The following SLC17A4 variants were observed in gnomAD, a reference collection of about 807,000 sequenced individuals.
The protein encoded by SLC17A4 is probable small intestine urate exporter.
A neutral mutation model predicts 52.5 loss-of-function variants in SLC17A4; 33 were observed. That is an observed-to-expected ratio of 0.63 (90% CI 0.48 to 0.84). The LOEUF is 0.84. SLC17A4 is among the 40% of genes least tolerant of loss of function. The pLI is 0.00. For missense variants in SLC17A4, 585 were observed against 597.1 expected, an observed-to-expected ratio of 0.98 and a Z score of 0.21; for synonymous variants, 225 against 216.2, an observed-to-expected ratio of 1.04 and a Z score of -0.36.
At chr6:25,773,788 C>A (rs1256973228) in intron 8 of SLC17A4, 114 bp downstream of exon 8, 12 of 1,036,138 alleles carry the variant, frequency 1.2e-5, no homozygotes, top group Admixed American at 2.5e-5. Context: ...TAGGACCAGG[C>A]AGGACCTCCA....
intron 2 of SLC17A4, among the ~76,000 whole-genome samples, chr6:25,763,148 G>T (rs547500812): frequency 1.3e-5 from 2 of 152,104 alleles, no homozygotes; most frequent in Non-Finnish European, 2.9e-5. Context: ...GAACTTCTAT[G>T]GTCTTTCTGG....
intron 1 of SLC17A4, among the ~76,000 whole-genome samples, chr6:25,759,957 G>A (rs1312256083): frequency 1.3e-5 from 2 of 151,992 alleles, no homozygotes; most frequent in African/African-American, 4.8e-5. Flanking sequence ...TACAAATATT[G>A]CTTTAAGGAA....
At chr6:25,777,069 A>G in intron 10 of SLC17A4, 110 bp downstream of exon 10, 1 of 1,195,964 alleles carries the variant, frequency 8.4e-7, no homozygotes, top group Non-Finnish European at 1.2e-6. Flanking sequence ...GTTGCAGGAA[A>G]TGTCAGCACC....
chr6:25,767,249 A>C (rs902265367), intron 2 of SLC17A4, among the ~76,000 whole-genome samples: 2 of 152,244 alleles, frequency 1.3e-5, no homozygotes, highest in Non-Finnish European at 2.9e-5. Flanking sequence ...AAGCTCAACT[A>C]TATATACTAA....
Position 25,770,402 on chromosome 6 carries a change from C to T in SLC17A4, c.550C>T (p.Gln184Ter), listed in dbSNP as rs750116956. The change falls in exon 5 of 12, where the codon CAG (glutamine) becomes TAG (stop). Residue 184 changes from glutamine (Q) to a stop codon, truncating the protein, a stop_gained. Transcript: ENST00000377905. LOFTEE classifies it high-confidence loss of function. ...GIAQVMVLTGQYSIWVKWAPP... is the reference protein window; with the variant it reads ...GIAQVMVLTG ...CCCCCAGGTTATGGTATTAACTGGT[C>T]AGTATTCAATTTGGGTCAAATGGGC... 1 of 1,614,024 alleles carries T rather than the reference C, an allele frequency of 6.2e-7. No individual in the cohort carries two copies. Among genetic ancestry groups the T allele is most frequent in the Non-Finnish European group, 8.5e-7 (1 of 1,179,958 alleles).
chr6:25,762,018 A>G lies in SLC17A4; in HGVS notation c.56A>G (p.Asn19Ser), dbSNP rs1761581905. 1.2e-6 allele frequency: 2 copies of G among 1,613,482 alleles called. No homozygotes were observed. Among genetic ancestry groups the G allele is most frequent in the Non-Finnish European group, 8.5e-7 (1 of 1,179,822 alleles). Residue 19 changes from asparagine (N) to serine (S), a missense_variant, in exon 2 of 12, where the codon AAT becomes AGT. By Grantham distance (46) the Asn-to-Ser change is conservative. Coordinates refer to ENST00000377905, the MANE Select transcript of SLC17A4 (RefSeq NM_005495.3). ...ATVGDISSDG[N>S]LNVAQEECSR... The stretch of plus-strand genomic sequence containing the variant: ...GTGGGGGACATTTCCAGTGATGGCA[A>G]TTTAAACGTGGCTCAAGAGGAATGC...
chr6:25,776,085 T>A (rs934837364), intron 8 of SLC17A4, among the ~76,000 whole-genome samples: 32 of 152,162 alleles, frequency 2.1e-4, no homozygotes, highest in African/African-American at 7.2e-4. Context: ...CAAATTGCCC[T>A]CAATAGAGCA....
chr6:25,756,411 G>A (rs1191236354), intron 1 of SLC17A4, among the ~76,000 whole-genome samples: 1 of 152,160 alleles, frequency 6.6e-6, no homozygotes, highest in African/African-American at 2.4e-5. Flanking sequence ...TAGGCAGAGT[G>A]CTTGCCCTCC....
Position 25,779,416 on chromosome 6 carries a change from T to C in SLC17A4, c.*228T>C, listed in dbSNP as rs1458553837. 4 of 468,704 alleles carry C rather than the reference T, an allele frequency of 8.5e-6. No homozygotes were observed. In the East Asian group the frequency reaches 1.2e-4, roughly 14 times the overall value. 29.0% of individuals were successfully genotyped at this position (468,704 alleles called of 1,614,324 possible). Reference sequence around the variant, plus strand: ...GTGTTGAGATTTCTGTGTTCTCCACTCTTCCACTGTTATCCTAGTAAAAGC... The same window carrying C: ...GTGTTGAGATTTCTGTGTTCTCCACCCTTCCACTGTTATCCTAGTAAAAGC... On this transcript the variant is annotated 3_prime_UTR_variant, in exon 12 of 12. Transcript: ENST00000377905.
intron 6 of SLC17A4, among the ~76,000 whole-genome samples, chr6:25,771,431 G>A (rs1762472579): frequency 6.6e-6 from 1 of 151,724 alleles, no homozygotes; most frequent in South Asian, 2.1e-4. Flanking sequence ...AAAATTAGCC[G>A]AGTGTGATGG....
chr6:25,756,102 G>A (rs1380450460), intron 1 of SLC17A4, among the ~76,000 whole-genome samples: 6 of 152,070 alleles, frequency 3.9e-5, no homozygotes, highest in African/African-American at 1.4e-4. Context: ...CAGCCCATGT[G>A]CCACACAGTG....
intron 1 of SLC17A4, among the ~76,000 whole-genome samples, chr6:25,758,695 G>A (rs1200728726): frequency 6.6e-6 from 1 of 152,070 alleles, no homozygotes. Flanking sequence ...TCCTTGGTTA[G>A]TGTCGCTGAT....
chr6:25,761,998 G>GT lies in SLC17A4; in HGVS notation c.36_37insT (p.Asp13Ter), dbSNP rs754805517. The GT allele has an allele frequency of 5.2e-4, 841 of 1,613,280 alleles. 2 individuals are homozygous for GT. Among genetic ancestry groups the GT allele is most frequent in the Middle Eastern group, 2.3e-3 (14 of 6,062 alleles). On this transcript the variant is annotated frameshift_variant, in exon 2 of 12. Transcript: ENST00000377905. LOFTEE classifies it high-confidence loss of function. Reference sequence around the variant, plus strand: ...GACCAGATGTCAAGGCTACAGTGGGGGACATTTCCAGTGATGGCAATTTAA... The same window carrying GT: ...GACCAGATGTCAAGGCTACAGTGGGGTGACATTTCCAGTGATGGCAATTTAA...
chr6:25,774,230 G>A (rs966446875), intron 8 of SLC17A4, among the ~76,000 whole-genome samples: 1 of 152,162 alleles, frequency 6.6e-6, no homozygotes, highest in Non-Finnish European at 1.5e-5. Context: ...GTGTATATGT[G>A]TACAGCTCTC....
At position 25,779,251 on chromosome 6, in the gene SLC17A4, TTC is replaced by T; in HGVS notation, c.*67_*68del. On this transcript the variant is annotated 3_prime_UTR_variant, in exon 12 of 12. Coordinates refer to ENST00000377905, the MANE Select transcript of SLC17A4 (RefSeq NM_005495.3). ...CATCATTGTTTTCCCTCACAGACATTTCTCTTTCATGCCTGCTTGACTGATAA... is the reference window on the plus strand; with the variant it reads ...CATCATTGTTTTCCCTCACAGACATTTCTTTCATGCCTGCTTGACTGATAA... 1.3e-6 allele frequency: 2 copies of T among 1,595,700 alleles called. No homozygotes were observed. Among genetic ancestry groups the T allele is most frequent in the South Asian group, 2.3e-5 (2 of 88,714 alleles).
intron 1 of SLC17A4, among the ~76,000 whole-genome samples, chr6:25,757,368 CATCTGCTTGGTGCTGTAACTTTAT>C (rs951636026): frequency 3.0e-4 from 45 of 152,174 alleles, no homozygotes; most frequent in African/African-American, 1.0e-3. Flanking sequence ...TATTCCTTTA[CATCTGCTTGGTGCTGTAACTTTAT>C]ATCTGCTTGG....
At chr6:25,764,753 G>A (rs1356598277) in intron 2 of SLC17A4, among the ~76,000 whole-genome samples, 1 of 152,190 alleles carries the variant, frequency 6.6e-6, no homozygotes. Context: ...GCTGGGTGAA[G>A]CGTGCATGGG....
At chr6:25,762,782 A>T (rs9348695) in intron 2 of SLC17A4, among the ~76,000 whole-genome samples, 45,348 of 152,036 alleles carry the variant, frequency 0.3, 7,735 homozygotes, top group East Asian at 0.74. Flanking sequence ...TTAGTACTCA[A>T]CCTACAACTA....
intron 8 of SLC17A4, among the ~76,000 whole-genome samples, 197 bp downstream of exon 8, chr6:25,773,871 T>G (rs1054862123): frequency 3.9e-5 from 6 of 152,188 alleles, no homozygotes; most frequent in African/African-American, 1.4e-4. Flanking sequence ...TGCAGGAGGA[T>G]GATACATATG....
Sources: allele counts gnomAD v4.1 joint callset (sites outside exome capture counted in the v4.1 genomes callset), GRCh38; gene constraint gnomAD v4.1.1; transcripts MANE v1.5; gene names NCBI Gene and HGNC (gene_info 2026-07-23, HGNC 2026-07-21).